Variants in PPP1R12C observed in about 807,000 individuals in gnomAD.
PPP1R12C encodes protein phosphatase 1 regulatory subunit 12C, also known as leukocyte receptor cluster (LRC) encoded novel gene 3.
A neutral mutation model predicts 95.6 loss-of-function variants in PPP1R12C; 48 were observed. The observed-to-expected ratio is 0.50, with a 90% confidence interval of 0.40 to 0.64. PPP1R12C has a LOEUF of 0.64. PPP1R12C is among the 30% of genes least tolerant of loss of function. PPP1R12C has a pLI of 0.00. For synonymous variants in PPP1R12C, 480 were observed against 460.8 expected (o/e 1.04, Z -0.53); for missense variants, 1,057 against 1,083.3 (o/e 0.98, Z 0.34).
chr19:55,093,081 C>T lies in PPP1R12C; in HGVS notation c.1765-5G>A, dbSNP rs766427772. 2.3e-5 allele frequency: 37 copies of T among 1,606,806 alleles called. No individual in the cohort carries two copies. The highest frequency in any genetic ancestry group is 1.3e-4 in the East Asian group (6 of 44,864). ...GCGGGGCCTTCGGGAAGGGTCCTGT[C>T]GGGAGGGGGAGGCGAGTCAGGGAAG... On this transcript the variant is annotated splice_polypyrimidine_tract_variant and splice_region_variant and intron_variant, in intron 14 of 21. Transcript: ENST00000263433.
At position 55,103,400 on chromosome 19, in the gene PPP1R12C, C is replaced by T; in HGVS notation, c.731+9G>A. 1 of 1,481,940 alleles carries T rather than the reference C, an allele frequency of 6.7e-7. No individual in the cohort carries two copies. Among genetic ancestry groups the T allele is most frequent in the Non-Finnish European group, 9.1e-7 (1 of 1,101,696 alleles). The allele number at this position is 1,481,940 out of a possible 1,614,324, so 91.8% of individuals were successfully genotyped here. A position where few individuals can be genotyped will look rare whatever the true frequency, so the allele number is the denominator to read the frequency against. On this transcript the variant is annotated intron_variant, in intron 4 of 21. Transcript: ENST00000263433. ...AGACAGCAAGATGGAACAGACTGGC[C>T]CAACTCACCTCATCACCTCAATGTA...
In PPP1R12C at chr19:55,092,639, G is replaced by A; in HGVS notation, c.1935C>T (p.Asp645=). The change falls in exon 17 of 22, where the codon GAC becomes GAT. Residue 645 remains aspartate, a synonymous_variant. Coordinates refer to ENST00000263433, the MANE Select transcript of PPP1R12C (RefSeq NM_017607.4). ...GCCCCTACCTGGACTCCTGGCTGCGGTCAGCCGGCTCCGCCTCCTCCCCCT... is the reference window on the plus strand; with the variant it reads ...GCCCCTACCTGGACTCCTGGCTGCGATCAGCCGGCTCCGCCTCCTCCCCCT... The part of the protein sequence containing the change: ...PAEGEEAEPA[D]RSQESSTLEG... 1.3e-6 allele frequency: 2 copies of A among 1,535,344 alleles called. No individual in the cohort carries two copies. The highest frequency in any genetic ancestry group is 4.2e-5 in the Admixed American group (2 of 47,676).
At chr19:55,095,137 G>A (rs2084895356) in intron 11 of PPP1R12C, 154 bp downstream of exon 11, 1 of 896,742 alleles carries the variant, frequency 1.1e-6, no homozygotes, top group South Asian at 1.5e-5. Context: ...CCTGAGGGAG[G>A]GAGAGAGCCC....
At position 55,109,130 on chromosome 19, in the gene PPP1R12C, T is replaced by C. The variant is rs2085069216; in HGVS notation, c.571+3337A>G. 6.6e-6 allele frequency among the ~76,000 whole-genome samples: 1 copy of C among 152,188 alleles called. No homozygotes were observed. Among genetic ancestry groups the C allele is most frequent in the Non-Finnish European group, 1.5e-5 (1 of 68,016 alleles). Reference sequence around the variant, plus strand: ...ATTGCCTTTTTTGTTTTGGTTTATTTGGTTGAGACAGGGTCTTGCCCCCAG... The same window carrying C: ...ATTGCCTTTTTTGTTTTGGTTTATTCGGTTGAGACAGGGTCTTGCCCCCAG... On this transcript the variant is annotated intron_variant, in intron 3 of 21. Transcript: ENST00000263433. This position sits in a 1 kb window ranked among gnomAD's most constrained non-coding sequence, Gnocchi z 4.4.
At chr19:55,103,048 C>T (rs141866909) in intron 4 of PPP1R12C, among the ~76,000 whole-genome samples, 209 of 152,096 alleles carry the variant, frequency 1.4e-3, no homozygotes, top group African/African-American at 4.8e-3. Flanking sequence ...CAAAAATTAG[C>T]GGGGCATGGT....
rs1320694921 is a variant in PPP1R12C, at chr19:55,117,533, T to C, written c.11A>G (p.Glu4Gly). The C allele has an allele frequency of 9.9e-7, 1 of 1,005,616 alleles. No homozygotes were observed. The highest frequency in any genetic ancestry group is 1.2e-6 in the Non-Finnish European group (1 of 846,514). 62.3% of individuals were successfully genotyped at this position (1,005,616 alleles called of 1,614,324 possible). The change falls in exon 1 of 22, where the codon GAG (glutamate) becomes GGG (glycine). Residue 4 changes from glutamate to glycine, a missense_variant. This residue lies in a region of PPP1R12C where 70 missense variants were observed against 47.8 expected (regional missense o/e 1.46). Transcript: ENST00000263433. MSGEDGPAAGPGAA... is the reference protein window; with the variant it reads MSGGDGPAAGPGAA... ...CCCCGGGCCAGCCGCCGGGCCATCC[T>C]CTCCGGACATCGCACCGCCCGCCCG...
chr19:55,114,139 GA>G (rs1372209347), intron 1 of PPP1R12C: 1 of 153,464 alleles, frequency 6.5e-6, no homozygotes, highest in African/African-American at 2.6e-5. Context: ...TCGGACCCAG[GA>G]GTCCAGGCCC....
intron 21 of PPP1R12C, 45 bp from the exon 22 acceptor site, chr19:55,091,603 C>A (rs567512980): frequency 6.2e-6 from 10 of 1,603,456 alleles, no homozygotes; most frequent in African/African-American, 5.4e-5. Context: ...GCGGGTTGCA[C>A]CCCCACCCAC....
Position 55,109,045 on chromosome 19 carries a change from G to A in PPP1R12C, c.571+3422C>T, listed in dbSNP as rs1197240477. Among the ~76,000 whole-genome samples the A allele has an allele frequency of 1.3e-5, 2 of 152,178 alleles. No individual in the cohort carries two copies. Among genetic ancestry groups the A allele is most frequent in the Non-Finnish European group, 2.9e-5 (2 of 68,032 alleles). On this transcript the variant is annotated intron_variant, in intron 3 of 21. Transcript: ENST00000263433. This position sits in a 1 kb window ranked among gnomAD's most constrained non-coding sequence, Gnocchi z 4.4. The stretch of plus-strand genomic sequence containing the variant: ...TGATTTTCCATTCATTCGATGATGG[G>A]CACTAGGTTGCTCCTACCTCTGGGC...
chr19:55,114,910 G>A (rs1241938762), intron 1 of PPP1R12C: 4 of 152,114 alleles, frequency 2.6e-5, no homozygotes, highest in African/African-American at 9.7e-5. Context: ...GGGATGCAGG[G>A]GAACGGGGCT....
At chr19:55,114,390 T>A (rs2085131828) in intron 1 of PPP1R12C, 1 of 152,350 alleles carries the variant, frequency 6.6e-6, no homozygotes, top group African/African-American at 2.4e-5. Context: ...AAGTGGTTGA[T>A]AAACCCACGT....
intron 3 of PPP1R12C, 146 bp from the exon 4 acceptor site, chr19:55,103,714 T>C: frequency 1.4e-6 from 1 of 703,088 alleles, no homozygotes; most frequent in Non-Finnish European, 2.1e-6. Flanking sequence ...AGGCCCAGAC[T>C]AGCCCAGTTG....
intron 4 of PPP1R12C, among the ~76,000 whole-genome samples, chr19:55,100,910 C>A (rs753613346): frequency 6.6e-6 from 1 of 152,172 alleles, no homozygotes; most frequent in African/African-American, 2.4e-5. Context: ...CCACGCCCAG[C>A]CTGCAACAGA....
chr19:55,096,066 C>T lies in PPP1R12C; in HGVS notation c.1138G>A (p.Glu380Lys). Residue 380 changes from glutamate (E) to lysine (K), a missense_variant, in exon 8 of 22, where the codon GAA becomes AAA. Physicochemically the swap from Glu to Lys is moderately conservative, Grantham distance 56. Around this residue, in one of 5 missense-constraint regions of PPP1R12C, gnomAD observed 356 missense variants for 330.5 expected, o/e 1.08. Coordinates refer to ENST00000263433, the MANE Select transcript of PPP1R12C (RefSeq NM_017607.4). Reference protein sequence around the residue: ...GPPIQDEDEGEEGPTEPPPAE... With the variant: ...GPPIQDEDEGKEGPTEPPPAE... Reference sequence around the variant, plus strand: ...GGCCCCTCACCGGTGGGACCTTCTTCCCCCTCATCCTCGTCCTGGATGGGG... The same window carrying T: ...GGCCCCTCACCGGTGGGACCTTCTTTCCCCTCATCCTCGTCCTGGATGGGG... 2 of 1,609,798 alleles carry T rather than the reference C, an allele frequency of 1.2e-6. No individual in the cohort carries two copies. The highest frequency in any genetic ancestry group is 2.2e-5 in the East Asian group (1 of 44,860).
At chr19:55,103,238 C>G (rs538443694) in intron 4 of PPP1R12C, among the ~76,000 whole-genome samples, 171 bp downstream of exon 4, 1 of 152,268 alleles carries the variant, frequency 6.6e-6, no homozygotes, top group African/African-American at 2.4e-5. Flanking sequence ...AAATATTTTA[C>G]ACTGAATGAC....
chr19:55,103,481 T>C lies in PPP1R12C; in HGVS notation c.659A>G (p.Glu220Gly). 3.1e-6 allele frequency: 5 copies of C among 1,601,968 alleles called. No individual in the cohort carries two copies. The highest frequency in any genetic ancestry group is 4.3e-6 in the Non-Finnish European group (5 of 1,171,620). Residue 220 changes from glutamate to glycine, a missense_variant, in exon 4 of 22, where the codon GAG (glutamate) becomes GGG (glycine). Around this residue, in one of 5 missense-constraint regions of PPP1R12C, gnomAD observed 282 missense variants for 380.4 expected, o/e 0.74. Transcript: ENST00000263433. ...RCWLNGGAMP[E>G]ARHPRTGASA... ...GGCGCCTGTGCGGGGGTGCCGGGCC[T>C]CTGGCATGGCGCCCCCATTCAGCCA...
At chr19:55,104,199 T>TATATATATATATATACACAC (rs34075382) in intron 3 of PPP1R12C, among the ~76,000 whole-genome samples, 13 of 120,038 alleles carry the variant, frequency 1.1e-4, no homozygotes, top group African/African-American at 4.8e-4. Flanking sequence ...TATATATATA[T>TATATATATATATATACACAC]ACACACACAC....
In PPP1R12C at chr19:55,095,428, G is replaced by A. The variant is rs749325643; in HGVS notation, c.1386+17C>T. Reference sequence around the variant, plus strand: ...GGGCAGGGGCCTGGGCCTGGACCCGGCCCAACCCTCACTCACCTGAGTGGA... The same window carrying A: ...GGGCAGGGGCCTGGGCCTGGACCCGACCCAACCCTCACTCACCTGAGTGGA... On this transcript the variant is annotated intron_variant, in intron 10 of 21. Coordinates refer to ENST00000263433, the MANE Select transcript of PPP1R12C (RefSeq NM_017607.4). 14 of 1,560,674 alleles carry A rather than the reference G, an allele frequency of 9.0e-6. No individual in the cohort carries two copies. Among genetic ancestry groups the A allele is most frequent in the African/African-American group, 1.4e-5 (1 of 73,432 alleles).
At chr19:55,101,019 C>T (rs573270689) in intron 4 of PPP1R12C, among the ~76,000 whole-genome samples, 162 of 152,102 alleles carry the variant, frequency 1.1e-3, no homozygotes, top group South Asian at 3.3e-3. Flanking sequence ...GAGGCTGAGG[C>T]GGGCAGATCA....
Sources: gnomAD v4.1 joint callset for allele counts (sites outside exome capture counted in the v4.1 genomes callset) on GRCh38, gnomAD v4.1.1 for gene constraint, gnomAD v4.1.1 regional missense constraint, Gnocchi (gnomAD v3.1) non-coding constraint, MANE v1.5 for transcripts, NCBI Gene and HGNC (gene_info 2026-07-23, HGNC 2026-07-21) for gene names.